Variants in SLC26A8 observed in about 807,000 individuals in gnomAD.
SLC26A8 encodes the protein solute carrier family 26 member 8.
A neutral mutation model predicts 105.0 loss-of-function variants in SLC26A8; 70 were observed. That is an observed-to-expected ratio of 0.67 (90% CI 0.55 to 0.81). SLC26A8 has a LOEUF of 0.81. Ranked by LOEUF, SLC26A8 falls within the 40% of genes least tolerant of loss-of-function variation. The pLI, the probability that SLC26A8 is intolerant of heterozygous loss-of-function variation, is 0.00. For missense variants in SLC26A8, 998 were observed against 1,181.8 expected, an observed-to-expected ratio of 0.84 and a Z score of 2.28; for synonymous variants, 415 against 438.3, an observed-to-expected ratio of 0.95 and a Z score of 0.66.
chr6:35,968,786 C>A, intron 11 of SLC26A8, 91 bp downstream of exon 11: 1 of 149,416 alleles, frequency 6.7e-6, no homozygotes. Context: ...GCCCCCCCGC[C>A]CCCAGCCCCT....
chr6:35,958,576 G>A (rs1772185894), intron 16 of SLC26A8, among the ~76,000 whole-genome samples: 1 of 152,148 alleles, frequency 6.6e-6, no homozygotes, highest in African/African-American at 2.4e-5. Context: ...ATTGCCTGAG[G>A]TCAGGAGTTC....
At chr6:36,005,812 G>C (rs932003440) in intron 3 of SLC26A8, among the ~76,000 whole-genome samples, 2 of 152,044 alleles carry the variant, frequency 1.3e-5, no homozygotes, top group African/African-American at 4.8e-5. Flanking sequence ...GCATCCACTG[G>C]GTAGATTTTA....
chr6:35,959,443 G>C lies in SLC26A8; in HGVS notation c.1863+17C>G. The C allele has an allele frequency of 6.3e-7, 1 of 1,588,190 alleles. No individual in the cohort carries two copies. Among genetic ancestry groups the C allele is most frequent in the Non-Finnish European group, 8.5e-7 (1 of 1,172,692 alleles). On this transcript the variant is annotated intron_variant, in intron 16 of 19. Coordinates refer to ENST00000490799, the MANE Select transcript of SLC26A8 (RefSeq NM_052961.4). ...AAAATATGGAGAAAAACATAGGAAAGAAAAGGCATTTCTAACCCTGGGCAG... is the reference window on the plus strand; with the variant it reads ...AAAATATGGAGAAAAACATAGGAAACAAAAGGCATTTCTAACCCTGGGCAG...
chr6:36,018,482 G>A (rs1682094082), intron 2 of SLC26A8, among the ~76,000 whole-genome samples: 1 of 152,104 alleles, frequency 6.6e-6, no homozygotes, highest in Non-Finnish European at 1.5e-5. Flanking sequence ...GAGACAGAAA[G>A]CAGAAGAGAG....
intron 10 of SLC26A8, among the ~76,000 whole-genome samples, 170 bp downstream of exon 10, chr6:35,975,205 C>G (rs2127321146): frequency 6.6e-6 from 1 of 152,202 alleles, no homozygotes; most frequent in Admixed American, 6.5e-5. Context: ...AAAATCTGAG[C>G]AAAAATTAAG....
chr6:35,974,182 G>A (rs1316749749), intron 10 of SLC26A8, among the ~76,000 whole-genome samples: 2 of 152,186 alleles, frequency 1.3e-5, no homozygotes, highest in Non-Finnish European at 2.9e-5. Flanking sequence ...GCTGGATGTC[G>A]TGGCGGATGC....
intron 16 of SLC26A8, among the ~76,000 whole-genome samples, chr6:35,956,369 A>C (rs980821207): frequency 6.7e-6 from 1 of 149,010 alleles, no homozygotes; most frequent in African/African-American, 2.5e-5. Context: ...TTGAGGCTGC[A>C]GTGAGCTGTG....
chr6:35,979,450 T>A (rs865978423), intron 8 of SLC26A8, among the ~76,000 whole-genome samples: 14 of 152,184 alleles, frequency 9.2e-5, no homozygotes, highest in Middle Eastern at 3.4e-3. Flanking sequence ...CACTCCAGCC[T>A]GGGCGACAGA....
At chr6:35,970,239 G>T (rs1391060456) in intron 10 of SLC26A8, among the ~76,000 whole-genome samples, 1 of 152,120 alleles carries the variant, frequency 6.6e-6, no homozygotes, top group Non-Finnish European at 1.5e-5. Flanking sequence ...TTTACGTAGG[G>T]GGGGAAAACA....
intron 11 of SLC26A8, among the ~76,000 whole-genome samples, chr6:35,968,609 G>GTGTGTGTATATA (rs1168496588): frequency 3.3e-5 from 2 of 60,070 alleles, no homozygotes; most frequent in African/African-American, 1.0e-4. Flanking sequence ...GTGTGTGTGT[G>GTGTGTGTATATA]TATATATATA....
chr6:36,014,362 T>C (rs562318228), intron 2 of SLC26A8, among the ~76,000 whole-genome samples: 1 of 152,266 alleles, frequency 6.6e-6, no homozygotes, highest in African/African-American at 2.4e-5. Flanking sequence ...GGAATGGAAG[T>C]TGAAGCTGAC....
chr6:36,009,337 T>A (rs1464422452), intron 3 of SLC26A8, among the ~76,000 whole-genome samples: 2 of 150,092 alleles, frequency 1.3e-5, no homozygotes, highest in Non-Finnish European at 2.9e-5. Context: ...GGTGACAGAG[T>A]GAGACTGCCT....
chr6:36,020,434 T>C (rs1483566757), intron 1 of SLC26A8, among the ~76,000 whole-genome samples: 1 of 152,190 alleles, frequency 6.6e-6, no homozygotes, highest in Non-Finnish European at 1.5e-5. Flanking sequence ...CTAGGCAACA[T>C]GGTGAAACCC....
At position 35,955,361 on chromosome 6, in the gene SLC26A8, G is replaced by A. The variant is rs148376118; in HGVS notation, c.2023C>T (p.Gln675Ter). ...ACTTCCTCCACCTCCTCATACTGTT[G>A]CCCTTGATTTTTCTGAGACACGGAC... The part of the protein sequence containing the change: ...VSSVSQKNQG[Q>*]QYEEVEEVWL... The change falls in exon 17 of 20, where the codon CAA becomes TAA. Residue 675 changes from glutamine to a stop codon, truncating the protein, a stop_gained. Transcript: ENST00000490799. LOFTEE classifies it high-confidence loss of function. The A allele has an allele frequency of 1.6e-4, 257 of 1,614,058 alleles. No homozygotes were observed. The highest frequency in any genetic ancestry group is 2.1e-4 in the Non-Finnish European group (250 of 1,180,032).
At chr6:36,000,519 A>C (rs1427720341) in intron 3 of SLC26A8, among the ~76,000 whole-genome samples, 2 of 152,166 alleles carry the variant, frequency 1.3e-5, no homozygotes. Context: ...CAAGAATCAC[A>C]CTTCACTGAC....
chr6:36,006,623 G>A (rs1323933925), intron 3 of SLC26A8, among the ~76,000 whole-genome samples: 1 of 152,128 alleles, frequency 6.6e-6, no homozygotes, highest in Non-Finnish European at 1.5e-5. Flanking sequence ...CATAGTTAAA[G>A]CATCAATTCC....
At chr6:36,018,661 TTA>T (rs1323400890) in intron 2 of SLC26A8, among the ~76,000 whole-genome samples, 1 of 152,252 alleles carries the variant, frequency 6.6e-6, no homozygotes, top group African/African-American at 2.4e-5. Context: ...CAATTTTATG[TTA>T]TACATATTTC....
chr6:35,960,883 G>C lies in SLC26A8; in HGVS notation c.1598C>G (p.Pro533Arg), dbSNP rs756801565. The C allele has an allele frequency of 6.2e-7, 1 of 1,614,140 alleles. No individual in the cohort carries two copies. Among genetic ancestry groups the C allele is most frequent in the Non-Finnish European group, 8.5e-7 (1 of 1,180,030 alleles). Residue 533 changes from proline (P) to arginine (R), a missense_variant, in exon 14 of 20, where the codon CCT becomes CGT. By Grantham distance (103) the Pro-to-Arg change is moderately radical. Transcript: ENST00000490799. ...GATGCTTCTATAAATGTTGGTGTTAGGGATTTGACCCAGGAGAAGAATCTT... is the reference window on the plus strand; with the variant it reads ...GATGCTTCTATAAATGTTGGTGTTACGGATTTGACCCAGGAGAAGAATCTT... ...RAKILLLGQI[P>R]NTNIYRSIND...
intron 11 of SLC26A8, among the ~76,000 whole-genome samples, chr6:35,967,482 A>G (rs1235449588): frequency 5.3e-5 from 8 of 152,234 alleles, no homozygotes; most frequent in African/African-American, 1.7e-4. Context: ...ATAGCTAATA[A>G]TTAACACACC....
Sources: allele counts gnomAD v4.1 joint callset (sites outside exome capture counted in the v4.1 genomes callset), GRCh38; gene constraint gnomAD v4.1.1; transcripts MANE v1.5; gene names NCBI Gene and HGNC (gene_info 2026-07-23, HGNC 2026-07-21).